RETREG1: variants seen among roughly 807,000 people sequenced by gnomAD.
The protein encoded by RETREG1 is reticulophagy regulator 1.
A neutral mutation model predicts 54.8 loss-of-function variants in RETREG1; 44 were observed. The ratio of observed to expected loss-of-function variants is 0.80; its 90% CI spans 0.63 to 1.03. The LOEUF is 1.03. Ranked by LOEUF, RETREG1 falls within the 50% of genes least tolerant of loss-of-function variation. The pLI is 0.00. For missense variants in RETREG1, 554 were observed against 605.1 expected (o/e 0.92, Z 0.89); for synonymous variants, 217 against 238.5 (o/e 0.91, Z 0.83).
At chr5:16,491,375 T>C (rs1579599291) in intron 3 of RETREG1, among the ~76,000 whole-genome samples, 2 of 152,354 alleles carry the variant, frequency 1.3e-5, no homozygotes, top group African/African-American at 4.8e-5. Flanking sequence ...TTAAATCCCA[T>C]GAAGGAATTC....
rs1579736401 is a variant in RETREG1, at chr5:16,616,801, C to T, written c.171G>A (p.Val57=). ...AGAAEGAGLQ[V]EEAAGRAAAA... is the part of the protein sequence containing the mutation. ...CCGCCGCCCGGCCCGCGGCCTCCTC[C>T]ACCTGCAACCCCGCGCCCTCCGCCG... Residue 57 remains valine, a synonymous_variant, in exon 1 of 9, where the codon GTG becomes GTA. Transcript: ENST00000306320. 2.0e-6 allele frequency: 3 copies of T among 1,525,240 alleles called. No individual in the cohort carries two copies. Among genetic ancestry groups the T allele is most frequent in the Non-Finnish European group, 2.6e-6 (3 of 1,142,944 alleles). The allele number at this position is 1,525,240 out of a possible 1,614,324, so 94.5% of individuals were successfully genotyped here.
intron 1 of RETREG1, among the ~76,000 whole-genome samples, chr5:16,595,533 T>C (rs1008657114): frequency 4.6e-5 from 7 of 152,224 alleles, no homozygotes; most frequent in African/African-American, 1.7e-4. Flanking sequence ...AATGTTTCCT[T>C]GGAATAGTAA....
intron 3 of RETREG1, among the ~76,000 whole-genome samples, chr5:16,547,389 G>C (rs1038107543): frequency 6.6e-6 from 1 of 152,068 alleles, no homozygotes; most frequent in Non-Finnish European, 1.5e-5. Context: ...AGAAAACAGG[G>C]GTATTTGGTT....
chr5:16,520,422 C>T (rs1296042494), intron 3 of RETREG1, among the ~76,000 whole-genome samples: 4 of 152,064 alleles, frequency 2.6e-5, no homozygotes, highest in East Asian at 1.9e-4. Context: ...CTCCGTCTCC[C>T]GCGTTCAAGC....
At chr5:16,530,687 A>G (rs1251465678) in intron 3 of RETREG1, among the ~76,000 whole-genome samples, 11 of 152,282 alleles carry the variant, frequency 7.2e-5, no homozygotes, top group Admixed American at 4.6e-4. Context: ...AGCCTCGCCA[A>G]CGTGGCAAAA....
chr5:16,503,646 G>A (rs1193184134), intron 3 of RETREG1, among the ~76,000 whole-genome samples: 2 of 132,774 alleles, frequency 1.5e-5, no homozygotes, highest in Non-Finnish European at 3.1e-5. Context: ...CTGGGCGACA[G>A]AGCAAGACTC....
chr5:16,534,338 G>T (rs528363035), intron 3 of RETREG1, among the ~76,000 whole-genome samples: 90 of 152,258 alleles, frequency 5.9e-4, no homozygotes, highest in Admixed American at 1.6e-3. Context: ...CTAAGGCTTT[G>T]ACTGTTTGAA....
At chr5:16,602,932 T>C (rs996961438) in intron 1 of RETREG1, among the ~76,000 whole-genome samples, 3 of 152,074 alleles carry the variant, frequency 2.0e-5, no homozygotes, top group Non-Finnish European at 4.4e-5. Flanking sequence ...TGCTTGAACC[T>C]GGGAGGAGGA....
intron 2 of RETREG1, among the ~76,000 whole-genome samples, chr5:16,571,160 G>T (rs944589408): frequency 3.3e-5 from 5 of 152,202 alleles, no homozygotes; most frequent in Admixed American, 2.0e-4. Flanking sequence ...CATCAGGGAG[G>T]AGATGGGTGC....
rs866009322 is a variant in RETREG1 at position 16,483,341 on chromosome 5, C to T, written c.585+5G>A. Reference sequence around the variant, plus strand: ...TAAAACATACTCCTTTACTGGAAAACTTGCCTTGCCAGGGCTCTGCTGTTT... The same window carrying T: ...TAAAACATACTCCTTTACTGGAAAATTTGCCTTGCCAGGGCTCTGCTGTTT... On this transcript the variant is annotated splice_donor_5th_base_variant and intron_variant, in intron 4 of 8. Coordinates refer to ENST00000306320, the MANE Select transcript of RETREG1 (RefSeq NM_001034850.3). 3 of 1,613,064 alleles carry T rather than the reference C, an allele frequency of 1.9e-6. No individual in the cohort carries two copies. The highest frequency in any genetic ancestry group is 2.5e-6 in the Non-Finnish European group (3 of 1,179,198).
intron 3 of RETREG1, among the ~76,000 whole-genome samples, chr5:16,560,483 C>T (rs752731275): frequency 3.3e-5 from 5 of 152,040 alleles, no homozygotes; most frequent in Non-Finnish European, 7.4e-5. Flanking sequence ...GGTCATGAAA[C>T]GCCATGGAAA....
chr5:16,536,249 G>A (rs1277555886), intron 3 of RETREG1, among the ~76,000 whole-genome samples: 1 of 152,152 alleles, frequency 6.6e-6, no homozygotes, highest in Non-Finnish European at 1.5e-5. Flanking sequence ...AGAATTTCCA[G>A]GCCAGCTTTT....
At position 16,481,073 on chromosome 5, in the gene RETREG1, A is replaced by G. The variant is rs763886231; in HGVS notation, c.606T>C (p.Ser202=). 56 of 1,611,658 alleles carry G rather than the reference A, an allele frequency of 3.5e-5. No homozygotes were observed. Among genetic ancestry groups the G allele is most frequent in the Non-Finnish European group, 4.6e-5 (54 of 1,178,314 alleles). Residue 202 remains serine, a synonymous_variant, in exon 5 of 9, where the codon AGT becomes AGC. Transcript: ENST00000306320. The part of the protein sequence containing the change: ...SPGKFCLLVC[S]VCTFFTILGS... Reference sequence around the variant, plus strand: ...CCAAGATCGTAAAAAATGTGCACACACTACAGACCAGGAGACAAAACTGGA... The same window carrying G: ...CCAAGATCGTAAAAAATGTGCACACGCTACAGACCAGGAGACAAAACTGGA...
intron 3 of RETREG1, among the ~76,000 whole-genome samples, chr5:16,505,505 T>C (rs367729187): frequency 1.3e-5 from 2 of 152,198 alleles, no homozygotes; most frequent in South Asian, 4.1e-4. Context: ...CTGGCTGACA[T>C]TGGGAGCGCC....
intron 2 of RETREG1, 76 bp downstream of exon 2, chr5:16,571,920 A>G: frequency 9.4e-7 from 1 of 1,066,700 alleles, no homozygotes; most frequent in Admixed American, 1.8e-5. Flanking sequence ...TAATTGGCTA[A>G]TATGCCTACA....
chr5:16,600,441 C>CG (rs1160901211), intron 1 of RETREG1, among the ~76,000 whole-genome samples: 20 of 152,302 alleles, frequency 1.3e-4, no homozygotes, highest in African/African-American at 4.3e-4. Context: ...CTTCAGACCC[C>CG]GGGGGTAACA....
At chr5:16,492,770 T>A (rs1423662362) in intron 3 of RETREG1, among the ~76,000 whole-genome samples, 1 of 152,204 alleles carries the variant, frequency 6.6e-6, no homozygotes, top group Non-Finnish European at 1.5e-5. Context: ...GGTGCTTGCA[T>A]ATGACTGTAT....
intron 1 of RETREG1, among the ~76,000 whole-genome samples, chr5:16,587,810 G>T (rs1276037993): frequency 2.6e-5 from 4 of 152,156 alleles, no homozygotes; most frequent in African/African-American, 9.7e-5. Context: ...GTGCTCAATT[G>T]TTCTGCCTGG....
At chr5:16,545,991 G>T (rs750682823) in intron 3 of RETREG1, among the ~76,000 whole-genome samples, 1 of 152,210 alleles carries the variant, frequency 6.6e-6, no homozygotes, top group East Asian at 1.9e-4. Flanking sequence ...ATGCCGTGCA[G>T]ATGTGAGCTA....
Sources: gnomAD v4.1 joint callset for allele counts (sites outside exome capture counted in the v4.1 genomes callset) on GRCh38, gnomAD v4.1.1 for gene constraint, MANE v1.5 for transcripts, NCBI Gene and HGNC (gene_info 2026-07-23, HGNC 2026-07-21) for gene names.